The following MPRIP variants were observed in gnomAD, a reference collection of about 807,000 sequenced individuals.
The protein encoded by MPRIP is myosin phosphatase Rho interacting protein, also known as myosin phosphatase Rho-interacting protein.
MPRIP carries 59 observed loss-of-function variants against 234.9 expected under a neutral mutation model. That is an observed-to-expected ratio of 0.25 (90% confidence interval 0.20 to 0.31). The LOEUF (loss-of-function observed/expected upper bound fraction) is 0.31. Among genes scored for constraint, MPRIP ranks in the 10% least tolerant of loss-of-function variants. The probability of loss-of-function intolerance (pLI) is 1.00; values close to 1 mark genes in which losing one functional copy is unlikely to be tolerated. For synonymous variants in MPRIP, 1,144 were observed against 1,263.9 expected (o/e 0.91, Z 2.01); for missense variants, 2,436 against 3,071.0 (o/e 0.79, Z 4.89).
chr17:17,047,384 T>A (rs1282936722), intron 1 of MPRIP, among the ~76,000 whole-genome samples: 1 of 152,186 alleles, frequency 6.6e-6, no homozygotes, highest in Non-Finnish European at 1.5e-5. Context: ...ATAAATGCAG[T>A]TGGTCTTTTT....
chr17:17,180,368 C>T (rs1454536685), intron 23 of MPRIP, among the ~76,000 whole-genome samples: 1 of 152,248 alleles, frequency 6.6e-6, no homozygotes. Context: ...TCACCCAGCC[C>T]TGCTCATGTC....
At chr17:17,156,541 C>T (rs1179109760) in intron 13 of MPRIP, among the ~76,000 whole-genome samples, 1 of 152,256 alleles carries the variant, frequency 6.6e-6, no homozygotes, top group Non-Finnish European at 1.5e-5. Flanking sequence ...AAGCTGCTGT[C>T]CTCGTCCTGC....
At chr17:17,108,880 G>A (rs2144266837) in intron 3 of MPRIP, among the ~76,000 whole-genome samples, 1 of 152,344 alleles carries the variant, frequency 6.6e-6, no homozygotes, top group South Asian at 2.1e-4. Context: ...AGGCAGACTT[G>A]GAGACCAGGC....
Position 17,129,678 on chromosome 17 carries a change from T to G in MPRIP, c.420-1939T>G, listed in dbSNP as rs114431058. On this transcript the variant is annotated intron_variant, in intron 4 of 23. Coordinates refer to ENST00000651222, the MANE Select transcript of MPRIP (RefSeq NM_001364716.4). ...TCAGCAGAGCACCTGCGGTGCAGCC[T>G]TCTCCCCTCCCCTCCAGGTTCCATC... Among the ~76,000 whole-genome samples the G allele has an allele frequency of 5.4e-3, 811 of 150,464 alleles. 4 individuals carry two copies. Among genetic ancestry groups the G allele is most frequent in the African/African-American group, 0.019 (740 of 39,776 alleles).
chr17:17,120,711 A>G (rs868107548), intron 3 of MPRIP, among the ~76,000 whole-genome samples: 7 of 152,118 alleles, frequency 4.6e-5, no homozygotes, highest in African/African-American at 1.7e-4. Context: ...AAATGAATCA[A>G]ACAAAACTAG....
intron 16 of MPRIP, chr17:17,169,203 CA>C: frequency 2.8e-6 from 1 of 359,670 alleles, no homozygotes; most frequent in Non-Finnish European, 5.6e-6. Flanking sequence ...TCACCAAGAG[CA>C]GCACTGAGAT....
At chr17:17,130,246 C>A (rs1015650938) in intron 4 of MPRIP, among the ~76,000 whole-genome samples, 1 of 152,132 alleles carries the variant, frequency 6.6e-6, no homozygotes, top group Non-Finnish European at 1.5e-5. Context: ...TGGCCTCTGC[C>A]GCCACCACCT....
At chr17:17,109,001 G>A (rs973898369) in intron 3 of MPRIP, among the ~76,000 whole-genome samples, 1 of 152,184 alleles carries the variant, frequency 6.6e-6, no homozygotes, top group African/African-American at 2.4e-5. Context: ...GCTGTGGTGC[G>A]CAGATTTCTG....
intron 1 of MPRIP, among the ~76,000 whole-genome samples, chr17:17,054,619 C>G (rs1458798744): frequency 1.3e-5 from 2 of 151,902 alleles, no homozygotes; most frequent in South Asian, 4.1e-4. Flanking sequence ...CCCACGGAGT[C>G]GTGAGAGCAC....
intron 3 of MPRIP, among the ~76,000 whole-genome samples, chr17:17,116,065 A>T (rs1488817305): frequency 6.6e-6 from 1 of 152,106 alleles, no homozygotes; most frequent in Non-Finnish European, 1.5e-5. Context: ...AAATATTTAT[A>T]TTATAATTAA....
intron 1 of MPRIP, among the ~76,000 whole-genome samples, chr17:17,051,452 A>G (rs570977195): frequency 6.6e-6 from 1 of 151,988 alleles, no homozygotes; most frequent in Admixed American, 6.6e-5. Context: ...CCGTTGGACC[A>G]GGTGGATGGT....
intron 3 of MPRIP, among the ~76,000 whole-genome samples, chr17:17,083,988 G>A (rs933614793): frequency 1.6e-4 from 24 of 152,164 alleles, no homozygotes; most frequent in African/African-American, 5.3e-4. Flanking sequence ...TGATCCGCCC[G>A]CCTCGGCCTC....
At chr17:17,126,297 G>A (rs1448451053) in intron 3 of MPRIP, among the ~76,000 whole-genome samples, 1 of 152,022 alleles carries the variant, frequency 6.6e-6, no homozygotes, top group African/African-American at 2.4e-5. Flanking sequence ...CTTCTCTCTG[G>A]CCCCCTCCTT....
rs1597726385 is a variant in MPRIP, at chr17:17,058,035, A to C, written c.123+15064A>C. ...CTCCCCAGTGGTATCCCTTTCACAG[A>C]GGTGACCTGAGATGATTTAGGGGTG... On this transcript the variant is annotated intron_variant, in intron 1 of 23. Transcript: ENST00000651222. The C allele has an allele frequency of 1.0e-5, 3 of 290,760 alleles. No homozygotes were observed. The East Asian group carries it at 2.3e-4, about 23-fold the overall frequency. 18.0% of individuals were successfully genotyped at this position (290,760 alleles called of 1,614,324 possible). A position where few individuals can be genotyped will look rare whatever the true frequency, so the allele number is the denominator to read the frequency against.
intron 23 of MPRIP, chr17:17,180,709 C>G: frequency 6.4e-7 from 1 of 1,557,106 alleles, no homozygotes; most frequent in Non-Finnish European, 8.9e-7. Flanking sequence ...ACTGCTCACA[C>G]CCCCATGGCA....
chr17:17,156,456 T>C (rs146671013), intron 13 of MPRIP, among the ~76,000 whole-genome samples: 1 of 152,348 alleles, frequency 6.6e-6, no homozygotes, highest in African/African-American at 2.4e-5. Context: ...CTTTTATTAT[T>C]TGAGGAAAAA....
chr17:17,048,528 C>T (rs752050466), intron 1 of MPRIP, among the ~76,000 whole-genome samples: 13 of 152,052 alleles, frequency 8.5e-5, no homozygotes, highest in Non-Finnish European at 1.6e-4. Context: ...TGGCAGGGAG[C>T]GTGTCAAAAA....
chr17:17,054,786 A>T (rs189557667), intron 1 of MPRIP, among the ~76,000 whole-genome samples: 21 of 141,206 alleles, frequency 1.5e-4, no homozygotes, highest in East Asian at 5.8e-4. Context: ...GCTGCGGCTC[A>T]CACCTGTTAT....
In MPRIP at chr17:17,095,370, G is replaced by A. The variant is rs1293873184; in HGVS notation, c.267+17294G>A. Among the ~76,000 whole-genome samples the A allele has an allele frequency of 2.6e-5, 4 of 152,176 alleles. No individual in the cohort carries two copies. The East Asian group carries it at 7.7e-4, about 29-fold the overall frequency. ...GGCTTTGCCTTAGAAGGACAGGCAG[G>A]CAGGGCACCAGTTTGTTTTGGGAGA... On this transcript the variant is annotated intron_variant, in intron 3 of 23. Coordinates refer to ENST00000651222, the MANE Select transcript of MPRIP (RefSeq NM_001364716.4).
Sources: allele counts gnomAD v4.1 joint callset (sites outside exome capture counted in the v4.1 genomes callset), GRCh38; gene constraint gnomAD v4.1.1; transcripts MANE v1.5; gene names NCBI Gene and HGNC (gene_info 2026-07-23, HGNC 2026-07-21).